ZFYVE16: variants seen among roughly 807,000 people sequenced by gnomAD.
ZFYVE16 encodes the protein zinc finger FYVE-type containing 16.
ZFYVE16 carries 89 observed loss-of-function variants against 138.1 expected under a neutral mutation model. The ratio of observed to expected loss-of-function variants is 0.64; its 90% confidence interval spans 0.54 to 0.77. The LOEUF (loss-of-function observed/expected upper bound fraction) is 0.77. ZFYVE16 is among the 30% of genes least tolerant of loss of function. The pLI, the probability that ZFYVE16 is intolerant of heterozygous loss-of-function variation, is 0.00. For synonymous variants in ZFYVE16, 596 were observed against 618.3 expected (o/e 0.96, Z 0.53); for missense variants, 1,793 against 1,786.7 (o/e 1.00, Z -0.06).
chr5:80,447,429 G>A (rs1751500121), intron 7 of ZFYVE16, among the ~76,000 whole-genome samples: 1 of 152,072 alleles, frequency 6.6e-6, no homozygotes, highest in South Asian at 2.1e-4. Context: ...AGCACGCACT[G>A]TCAATCTGTA....
intron 1 of ZFYVE16, among the ~76,000 whole-genome samples, chr5:80,423,617 G>C (rs1449972796): frequency 1.3e-5 from 2 of 151,922 alleles, no homozygotes; most frequent in South Asian, 4.2e-4. Flanking sequence ...CTCACTGCAA[G>C]CTCCACCTCC....
Position 80,449,654 on chromosome 5 carries a change from TTC to T in ZFYVE16, c.3168_3169del (p.Phe1056LeufsTer10). 1.2e-6 allele frequency: 2 copies of T among 1,610,214 alleles called. No individual in the cohort carries two copies. The highest frequency in any genetic ancestry group is 2.7e-5 in the African/African-American group (2 of 74,862). The stretch of plus-strand genomic sequence containing the variant: ...ATTTTGCTTCTTGAAGGTGAAAGCT[TTC>T]ATCCTGTTACATTTGTCCTAAATGC... On this transcript the variant is annotated frameshift_variant, in exon 9 of 19. Transcript: ENST00000505560. LOFTEE classifies it high-confidence loss of function.
chr5:80,457,620 T>C (rs1752651602), intron 14 of ZFYVE16, among the ~76,000 whole-genome samples: 1 of 152,214 alleles, frequency 6.6e-6, no homozygotes, highest in African/African-American at 2.4e-5. Context: ...TATATTATTA[T>C]AGGATACCAT....
Position 80,465,958 on chromosome 5 carries a change from A to G in ZFYVE16, c.4024+6464A>G, listed in dbSNP as rs188673505. Among the ~76,000 whole-genome samples the G allele has an allele frequency of 1.2e-3, 184 of 150,070 alleles. 2 individuals carry two copies. The highest frequency in any genetic ancestry group is 4.3e-3 in the African/African-American group (177 of 40,770). On this transcript the variant is annotated intron_variant, in intron 15 of 18. Coordinates refer to ENST00000505560, the MANE Select transcript of ZFYVE16 (RefSeq NM_001284236.3). ...TTTTTTTTTTGAGATGGAGTTTCCC[A>G]GTTATTGCCCAAGCTTGAGTGCAAT...
intron 1 of ZFYVE16, among the ~76,000 whole-genome samples, chr5:80,414,163 A>G (rs1404826096): frequency 6.6e-6 from 1 of 152,190 alleles, no homozygotes; most frequent in Non-Finnish European, 1.5e-5. Context: ...AATGTTTTAT[A>G]TCTTTTTAAT....
chr5:80,465,314 G>T (rs1753568275), intron 15 of ZFYVE16, among the ~76,000 whole-genome samples: 1 of 146,416 alleles, frequency 6.8e-6, no homozygotes, highest in Non-Finnish European at 1.5e-5. Context: ...AAACTTTCTG[G>T]TTAACAATAT....
chr5:80,437,667 G>C lies in ZFYVE16; in HGVS notation c.982G>C (p.Asp328His). The C allele has an allele frequency of 6.2e-7, 1 of 1,611,904 alleles. No homozygotes were observed. The highest frequency in any genetic ancestry group is 8.5e-7 in the Non-Finnish European group (1 of 1,179,374). The change falls in exon 4 of 19, where the codon GAC becomes CAC. Residue 328 changes from aspartate (D) to histidine (H), a missense_variant. Physicochemically the swap from Asp to His is moderately conservative, Grantham distance 81. Coordinates refer to ENST00000505560, the MANE Select transcript of ZFYVE16 (RefSeq NM_001284236.3). The part of the protein sequence containing the change: ...NSRDENFKLP[D>H]FSFQEDKTVI... ...AAGAGATGAAAATTTCAAATTACCT[G>C]ACTTTTCCTTTCAGGAAGATAAGAC...
chr5:80,414,511 T>G (rs1445945882), intron 1 of ZFYVE16, among the ~76,000 whole-genome samples: 1 of 152,230 alleles, frequency 6.6e-6, no homozygotes, highest in African/African-American at 2.4e-5. Flanking sequence ...GGTTCTTGCA[T>G]GGTCAACCAT....
chr5:80,436,711 T>C (rs1335314911), intron 3 of ZFYVE16, 45 bp from the exon 4 acceptor site: 6 of 1,478,354 alleles, frequency 4.1e-6, no homozygotes, highest in Non-Finnish European at 4.6e-6. Flanking sequence ...TTAATAATTT[T>C]TATTTGATTT....
chr5:80,455,516 A>AGAGT, intron 11 of ZFYVE16, 176 bp from the exon 12 acceptor site: 1 of 556,366 alleles, frequency 1.8e-6, no homozygotes, highest in African/African-American at 2.0e-5. Context: ...CCTGGGCAAC[A>AGAGT]GAGTGAGACC....
intron 1 of ZFYVE16, among the ~76,000 whole-genome samples, chr5:80,423,627 C>T (rs1747555476): frequency 6.6e-6 from 1 of 152,176 alleles, no homozygotes; most frequent in Non-Finnish European, 1.5e-5. Flanking sequence ...GCTCCACCTC[C>T]CAGGTTCACG....
chr5:80,448,997 A>T (rs1751694246), intron 8 of ZFYVE16, among the ~76,000 whole-genome samples: 1 of 152,092 alleles, frequency 6.6e-6, no homozygotes, highest in African/African-American at 2.4e-5. Context: ...TCTGCGTGAT[A>T]ATGTAGAGGA....
At chr5:80,465,400 G>GGTTTTTTTTTTTTTTTTTTTTTTTT (rs1753596919) in intron 15 of ZFYVE16, among the ~76,000 whole-genome samples, 1 of 26,780 alleles carries the variant, frequency 3.7e-5, no homozygotes, top group Non-Finnish European at 7.4e-5. Flanking sequence ...CCTTTTCTTT[G>GGTTTTTTTTTTTTTTTTTTTTTTTT]TTTTTTTTTT....
chr5:80,440,376 A>G (rs1295100057), intron 5 of ZFYVE16: 10 of 1,001,616 alleles, frequency 1.0e-5, no homozygotes, highest in Non-Finnish European at 1.2e-5. Context: ...ACAGATACCT[A>G]CCAATAGTAG....
intron 15 of ZFYVE16, among the ~76,000 whole-genome samples, chr5:80,470,201 A>G (rs1372727927): frequency 6.8e-6 from 1 of 147,632 alleles, no homozygotes; most frequent in African/African-American, 2.5e-5. Context: ...TCCTGGGTTC[A>G]CGCCATTCTC....
chr5:80,455,512 C>T (rs1192884052), intron 11 of ZFYVE16, 180 bp from the exon 12 acceptor site: 8 of 549,180 alleles, frequency 1.5e-5, no homozygotes, highest in South Asian at 1.1e-4. Context: ...CCAGCCTGGG[C>T]AACAGAGTGA....
Position 80,478,438 on chromosome 5 carries a change from T to G in ZFYVE16, c.*1061T>G, listed in dbSNP as rs181870505. On this transcript the variant is annotated 3_prime_UTR_variant, in exon 19 of 19. Coordinates refer to ENST00000505560, the MANE Select transcript of ZFYVE16 (RefSeq NM_001284236.3). ...GTAGTTATTTTTTATAACAGGATATTAACATAAGTTAAATCCTATGTATTT... is the reference window on the plus strand; with the variant it reads ...GTAGTTATTTTTTATAACAGGATATGAACATAAGTTAAATCCTATGTATTT... 2.0e-3 allele frequency: 306 copies of G among 152,238 alleles called. 2 individuals are homozygous for G. Among genetic ancestry groups the G allele is most frequent in the African/African-American group, 7.0e-3 (293 of 41,572 alleles). 9.4% of individuals were successfully genotyped at this position (152,238 alleles called of 1,614,324 possible).
At chr5:80,463,245 AG>A (rs1192657917) in intron 15 of ZFYVE16, among the ~76,000 whole-genome samples, 2 of 152,190 alleles carry the variant, frequency 1.3e-5, no homozygotes, top group Non-Finnish European at 2.9e-5. Context: ...CTGGACATCC[AG>A]GCATTTCCGT....
intron 15 of ZFYVE16, among the ~76,000 whole-genome samples, 191 bp downstream of exon 15, chr5:80,459,685 G>T (rs1392826498): frequency 1.3e-5 from 2 of 152,144 alleles, no homozygotes; most frequent in African/African-American, 4.8e-5. Context: ...AGGAATTAGT[G>T]AGTAGACTGA....
Sources: gnomAD v4.1 joint callset for allele counts (sites outside exome capture counted in the v4.1 genomes callset) on GRCh38, gnomAD v4.1.1 for gene constraint, MANE v1.5 for transcripts, NCBI Gene and HGNC (gene_info 2026-07-23, HGNC 2026-07-21) for gene names.